The following ILRUN variants were observed in gnomAD, a reference collection of about 807,000 sequenced individuals.
The protein encoded by ILRUN is inflammation and lipid regulator with UBA-like and NBR1-like domains.
Under a neutral mutation model 33.8 loss-of-function variants are expected in ILRUN, and 3 were observed. The ratio of observed to expected loss-of-function variants is 0.09; its 90% confidence interval spans 0.04 to 0.23. ILRUN has a LOEUF of 0.23. Ranked by LOEUF, ILRUN falls within the 10% of genes least tolerant of loss-of-function variation. The probability of loss-of-function intolerance (pLI) is 1.00; values close to 1 mark genes in which losing one functional copy is unlikely to be tolerated. For synonymous variants in ILRUN, 124 were observed against 138.9 expected (o/e 0.89, Z 0.75); for missense variants, 210 against 375.1 (o/e 0.56, Z 3.64).
At chr6:34,681,233 T>C (rs1175142180) in intron 1 of ILRUN, among the ~76,000 whole-genome samples, 1 of 152,078 alleles carries the variant, frequency 6.6e-6, no homozygotes, top group South Asian at 2.1e-4. Context: ...TCAGAAACAC[T>C]TGACAGACCT....
chr6:34,660,425 A>C (rs1024244023), intron 1 of ILRUN, among the ~76,000 whole-genome samples: 1 of 152,164 alleles, frequency 6.6e-6, no homozygotes, highest in Non-Finnish European at 1.5e-5. Flanking sequence ...AACTCAAAAG[A>C]ACACAAATTA....
chr6:34,611,056 CCCCTCTCCTT>C (rs1472646339), intron 3 of ILRUN, among the ~76,000 whole-genome samples: 1 of 143,294 alleles, frequency 7.0e-6, no homozygotes, highest in African/African-American at 2.7e-5. Flanking sequence ...CCTCCCCCTC[CCCCTCTCCTT>C]CCCTCTCCTT....
rs141036559 is a variant in ILRUN, at chr6:34,607,459, CT to C, written c.512-556del. 4.3e-3 allele frequency among the ~76,000 whole-genome samples: 650 copies of C among 152,336 alleles called. 5 individuals carry two copies. Among genetic ancestry groups the C allele is most frequent in the African/African-American group, 0.015 (605 of 41,578 alleles). On this transcript the variant is annotated intron_variant, in intron 3 of 4. Transcript: ENST00000374023. Reference sequence around the variant, plus strand: ...AGACAAAATGGAAGATACTATCACCCTGGCTATCTTCTCAATCTATTTGACC... The same window carrying C: ...AGACAAAATGGAAGATACTATCACCCGGCTATCTTCTCAATCTATTTGACC...
At chr6:34,627,513 T>A (rs1326141376) in intron 3 of ILRUN, among the ~76,000 whole-genome samples, 2 of 152,226 alleles carry the variant, frequency 1.3e-5, no homozygotes, top group Non-Finnish European at 2.9e-5. Flanking sequence ...TTGCTCCACA[T>A]TCCTACCAGT....
At chr6:34,626,375 T>C (rs1363629828) in intron 3 of ILRUN, among the ~76,000 whole-genome samples, 2 of 151,876 alleles carry the variant, frequency 1.3e-5, no homozygotes, top group Non-Finnish European at 2.9e-5. Flanking sequence ...GGTCTTCCAA[T>C]ATATTGCCCA....
chr6:34,616,720 T>A (rs1582047897), intron 3 of ILRUN: 1 of 780,030 alleles, frequency 1.3e-6, no homozygotes, highest in East Asian at 2.5e-5. Flanking sequence ...GAACTGAAAT[T>A]CAAATGGCAA....
Position 34,590,201 on chromosome 6 carries a change from C to G in ILRUN, c.*364G>C, listed in dbSNP as rs1333808353. ...AATTAACATGTGCTCAAAACTACAA[C>G]CTTTCTGTAGGCAAAATAATTTTTG... is the stretch of plus-strand genomic sequence containing the variant. On this transcript the variant is annotated 3_prime_UTR_variant, in exon 5 of 5. Transcript: ENST00000374023. The G allele has an allele frequency of 6.0e-6, 1 of 167,644 alleles. No homozygotes were observed. Among genetic ancestry groups the G allele is most frequent in the Non-Finnish European group, 1.3e-5 (1 of 76,836 alleles). The allele number at this position is 167,644 out of a possible 1,614,324, so 10.4% of individuals were successfully genotyped here.
intron 1 of ILRUN, among the ~76,000 whole-genome samples, chr6:34,670,862 AG>A (rs377520764): frequency 2.0e-5 from 3 of 149,666 alleles, no homozygotes; most frequent in South Asian, 2.1e-4. Flanking sequence ...AAAAAAAAAA[AG>A]AAAAGAAAAA....
At chr6:34,604,240 A>G (rs1445320402) in intron 4 of ILRUN, among the ~76,000 whole-genome samples, 3 of 152,198 alleles carry the variant, frequency 2.0e-5, no homozygotes, top group Non-Finnish European at 4.4e-5. Flanking sequence ...CAGCCCTTCC[A>G]AAAGAAGCAA....
intron 1 of ILRUN, among the ~76,000 whole-genome samples, chr6:34,670,868 GA>G (rs1458836830): frequency 5.6e-5 from 8 of 141,864 alleles, no homozygotes; most frequent in East Asian, 4.1e-4. Context: ...AAAAAGAAAA[GA>G]AAAAAAAGGA....
At chr6:34,608,553 T>C (rs1160908230) in intron 3 of ILRUN, among the ~76,000 whole-genome samples, 1 of 152,186 alleles carries the variant, frequency 6.6e-6, no homozygotes, top group African/African-American at 2.4e-5. Flanking sequence ...AAATACTATG[T>C]AGACTTCATA....
At chr6:34,616,512 T>C (rs1293029081) in intron 3 of ILRUN, 2 of 928,942 alleles carry the variant, frequency 2.2e-6, no homozygotes, top group Non-Finnish European at 3.4e-6. Flanking sequence ...CAAAAGTCAG[T>C]ATTATGCTCT....
chr6:34,661,281 A>T (rs1762879361), intron 1 of ILRUN, among the ~76,000 whole-genome samples: 1 of 152,224 alleles, frequency 6.6e-6, no homozygotes, highest in African/African-American at 2.4e-5. Context: ...TTAAAGATCA[A>T]GGGTCATAAA....
chr6:34,673,828 C>T (rs1335201870), intron 1 of ILRUN, among the ~76,000 whole-genome samples: 1 of 113,298 alleles, frequency 8.8e-6, no homozygotes, highest in Admixed American at 8.5e-5. Flanking sequence ...CAGTAACAAC[C>T]ACATACACAC....
At chr6:34,682,768 C>G (rs2127385436) in intron 1 of ILRUN, among the ~76,000 whole-genome samples, 1 of 152,212 alleles carries the variant, frequency 6.6e-6, no homozygotes, top group East Asian at 1.9e-4. Flanking sequence ...GCCACCACAC[C>G]CAGCACATTG....
intron 3 of ILRUN, among the ~76,000 whole-genome samples, chr6:34,639,171 T>C: frequency 6.6e-6 from 1 of 152,200 alleles, no homozygotes; most frequent in East Asian, 1.9e-4. Context: ...GGACATATTG[T>C]GGTTTGGGAC....
intron 1 of ILRUN, among the ~76,000 whole-genome samples, chr6:34,658,384 C>A (rs938906453): frequency 1.3e-5 from 2 of 150,526 alleles, no homozygotes; most frequent in African/African-American, 4.9e-5. Context: ...GTAATAGTTG[C>A]ACACTGCCAA....
At chr6:34,695,415 A>G (rs771066972) in intron 1 of ILRUN, among the ~76,000 whole-genome samples, 17 of 152,242 alleles carry the variant, frequency 1.1e-4, no homozygotes, top group African/African-American at 3.1e-4. Context: ...TGAATCCAAC[A>G]ACCTCTATTC....
At chr6:34,596,296 C>T (rs988570841) in intron 4 of ILRUN, among the ~76,000 whole-genome samples, 1 of 152,134 alleles carries the variant, frequency 6.6e-6, no homozygotes, top group African/African-American at 2.4e-5. Flanking sequence ...CTCACTCTGT[C>T]GCCCAGGCTG....
Sources: gnomAD v4.1 joint callset for allele counts (sites outside exome capture counted in the v4.1 genomes callset) on GRCh38, gnomAD v4.1.1 for gene constraint, MANE v1.5 for transcripts, NCBI Gene and HGNC (gene_info 2026-07-23, HGNC 2026-07-21) for gene names.